SENP5: variants seen among roughly 807,000 people sequenced by gnomAD.
The protein encoded by SENP5 is SUMO specific peptidase 5, also known as sentrin-specific protease 5.
SENP5 carries 21 observed loss-of-function variants against 74.2 expected under a neutral mutation model. The ratio of observed to expected loss-of-function variants is 0.28; its 90% CI spans 0.20 to 0.41. The LOEUF is 0.41. SENP5 is among the 10% of genes least tolerant of loss of function. The probability of loss-of-function intolerance (pLI) is 1.00; values close to 1 mark genes in which losing one functional copy is unlikely to be tolerated. For missense variants in SENP5, 717 were observed against 889.1 expected (o/e 0.81, Z 2.46); for synonymous variants, 311 against 312.7 (o/e 0.99, Z 0.06).
chr3:196,892,929 CCATT>C (rs1247867998), intron 2 of SENP5, among the ~76,000 whole-genome samples: 1 of 152,156 alleles, frequency 6.6e-6, no homozygotes, highest in Admixed American at 6.6e-5. Flanking sequence ...TTTTCTTTCT[CCATT>C]CATCCACTCA....
At chr3:196,893,356 ATG>A (rs752834735) in intron 2 of SENP5, among the ~76,000 whole-genome samples, 3 of 152,174 alleles carry the variant, frequency 2.0e-5, no homozygotes, top group African/African-American at 7.2e-5. Flanking sequence ...TCTTGTGTGC[ATG>A]TGTGTGTGTA....
At chr3:196,893,232 G>A (rs1209795938) in intron 2 of SENP5, among the ~76,000 whole-genome samples, 5 of 152,012 alleles carry the variant, frequency 3.3e-5, no homozygotes, top group Non-Finnish European at 5.9e-5. Context: ...CTTGCTATTC[G>A]TTGTTTGAGC....
At chr3:196,915,010 A>G (rs1300446024) in intron 6 of SENP5, among the ~76,000 whole-genome samples, 1 of 152,206 alleles carries the variant, frequency 6.6e-6, no homozygotes, top group Non-Finnish European at 1.5e-5. Flanking sequence ...ACAGGGCAGA[A>G]TTCTGCCAGC....
At chr3:196,903,485 G>A in intron 5 of SENP5, 48 bp from the exon 6 acceptor site, 1 of 1,188,620 alleles carries the variant, frequency 8.4e-7, no homozygotes, top group Non-Finnish European at 1.2e-6. Context: ...GTTAAATCTG[G>A]GCACAGCCTA....
At chr3:196,907,480 G>A (rs1714951433) in intron 6 of SENP5, among the ~76,000 whole-genome samples, 1 of 150,382 alleles carries the variant, frequency 6.6e-6, no homozygotes, top group Non-Finnish European at 1.5e-5. Context: ...GATAATGGAA[G>A]ATGCTTATAT....
chr3:196,918,300 CTG>C (rs1182281129), intron 6 of SENP5, among the ~76,000 whole-genome samples: 5 of 111,926 alleles, frequency 4.5e-5, no homozygotes, highest in Admixed American at 1.7e-4. Context: ...GAACGAGACT[CTG>C]TCAAAAAAAA....
intron 2 of SENP5, among the ~76,000 whole-genome samples, chr3:196,888,653 A>G (rs961536943): frequency 2.0e-5 from 3 of 152,008 alleles, no homozygotes; most frequent in Non-Finnish European, 4.4e-5. Context: ...TTGTTAAAAG[A>G]TATATATGAC....
chr3:196,876,956 C>T (rs1021074280), intron 1 of SENP5, among the ~76,000 whole-genome samples: 6 of 152,202 alleles, frequency 3.9e-5, no homozygotes, highest in African/African-American at 1.4e-4. Flanking sequence ...ACTTGTTGGG[C>T]ACTACAAAAC....
At chr3:196,892,187 A>G (rs1035511374) in intron 2 of SENP5, among the ~76,000 whole-genome samples, 1 of 152,014 alleles carries the variant, frequency 6.6e-6, no homozygotes, top group African/African-American at 2.4e-5. Context: ...TCTGTCTCCC[A>G]GGCTAGAGTG....
intron 2 of SENP5, 132 bp downstream of exon 2, chr3:196,886,826 CT>C: frequency 1.6e-6 from 1 of 614,548 alleles, no homozygotes; most frequent in Non-Finnish European, 2.7e-6. Flanking sequence ...TGCTTGAAGC[CT>C]TTTATATTGC....
chr3:196,880,767 G>C (rs187017482), intron 1 of SENP5, among the ~76,000 whole-genome samples: 12 of 148,892 alleles, frequency 8.1e-5, no homozygotes, highest in Non-Finnish European at 1.0e-4. Context: ...TCAGTCTCCC[G>C]AGTAGCTGGA....
intron 6 of SENP5, among the ~76,000 whole-genome samples, chr3:196,909,239 A>G (rs532695360): frequency 1.3e-5 from 2 of 152,226 alleles, no homozygotes; most frequent in Non-Finnish European, 2.9e-5. Flanking sequence ...GAATAGACCA[A>G]TAACAAATTC....
intron 1 of SENP5, among the ~76,000 whole-genome samples, chr3:196,879,698 C>T (rs2108810555): frequency 6.6e-6 from 1 of 152,264 alleles, no homozygotes; most frequent in African/African-American, 2.4e-5. Context: ...TCTCCTGTGA[C>T]TCTCTGAGAA....
intron 1 of SENP5, among the ~76,000 whole-genome samples, chr3:196,874,456 C>T (rs1006342283): frequency 6.6e-6 from 1 of 152,052 alleles, no homozygotes; most frequent in Non-Finnish European, 1.5e-5. Flanking sequence ...CTCGACTTCT[C>T]AACAACCTTT....
intron 1 of SENP5, among the ~76,000 whole-genome samples, chr3:196,871,804 G>A (rs1401419630): frequency 2.7e-5 from 4 of 149,202 alleles, no homozygotes; most frequent in East Asian, 2.0e-4. Flanking sequence ...GCAGTGAGTC[G>A]AGATCAGGTC....
At chr3:196,928,673 A>G (rs778286671) in intron 8 of SENP5, among the ~76,000 whole-genome samples, 2 of 152,250 alleles carry the variant, frequency 1.3e-5, no homozygotes, top group Non-Finnish European at 2.9e-5. Context: ...CTTTAACCCA[A>G]ACCCAAAGAG....
At chr3:196,868,246 G>T (rs2108797954) in intron 1 of SENP5, among the ~76,000 whole-genome samples, 173 bp downstream of exon 1, 1 of 152,336 alleles carries the variant, frequency 6.6e-6, no homozygotes, top group South Asian at 2.1e-4. Context: ...CTCCCTTTCC[G>T]GGGGAGGCGA....
intron 1 of SENP5, among the ~76,000 whole-genome samples, chr3:196,881,549 A>G (rs1713725497): frequency 6.6e-6 from 1 of 152,124 alleles, no homozygotes; most frequent in African/African-American, 2.4e-5. Flanking sequence ...CTTAAGGAAC[A>G]TTTAAAAAGC....
intron 7 of SENP5, among the ~76,000 whole-genome samples, chr3:196,924,765 G>C (rs1715750431): frequency 6.6e-6 from 1 of 152,134 alleles, no homozygotes; most frequent in African/African-American, 2.4e-5. Context: ...GCTTGTATAT[G>C]CACACAAGAA....
Sources: allele counts gnomAD v4.1 joint callset (sites outside exome capture counted in the v4.1 genomes callset), GRCh38; gene constraint gnomAD v4.1.1; transcripts MANE v1.5; gene names NCBI Gene and HGNC (gene_info 2026-07-23, HGNC 2026-07-21).